The following NSMCE2 variants were observed in gnomAD, a reference collection of about 807,000 sequenced individuals.
NSMCE2 encodes the protein E3 SUMO-protein ligase NSE2.
A neutral mutation model predicts 23.8 loss-of-function variants in NSMCE2; 24 were observed. The ratio of observed to expected loss-of-function variants is 1.01; its 90% CI spans 0.73 to 1.42. The LOEUF is 1.42. Ranked by LOEUF, NSMCE2 falls within the 40% of genes most tolerant of loss-of-function variation. The pLI is 0.00. For missense variants in NSMCE2, 284 were observed against 296.5 expected (o/e 0.96, Z 0.31); for synonymous variants, 92 against 94.1 (o/e 0.98, Z 0.13).
intron 5 of NSMCE2, among the ~76,000 whole-genome samples, chr8:125,228,119 C>T (rs1825177653): frequency 6.6e-6 from 1 of 151,848 alleles, no homozygotes; most frequent in African/African-American, 2.4e-5. Context: ...ATCAAAATTG[C>T]CTAATTTTTA....
At chr8:125,139,112 G>T (rs1425530599) in intron 3 of NSMCE2, among the ~76,000 whole-genome samples, 1 of 152,176 alleles carries the variant, frequency 6.6e-6, no homozygotes, top group African/African-American at 2.4e-5. Context: ...ACTGTTCAGC[G>T]GTGGAACAAG....
intron 5 of NSMCE2, among the ~76,000 whole-genome samples, chr8:125,224,236 G>A (rs1257327509): frequency 2.0e-5 from 3 of 152,250 alleles, no homozygotes; most frequent in African/African-American, 7.2e-5. Context: ...TGTATGCTTC[G>A]CAAATTTCCT....
chr8:125,204,521 G>A (rs191745565), intron 5 of NSMCE2, among the ~76,000 whole-genome samples: 2 of 152,254 alleles, frequency 1.3e-5, no homozygotes, highest in South Asian at 4.1e-4. Context: ...TTATATGGAA[G>A]CATTAATTTT....
At chr8:125,320,248 G>T (rs1310286586) in intron 5 of NSMCE2, among the ~76,000 whole-genome samples, 3 of 54,292 alleles carry the variant, frequency 5.5e-5, no homozygotes, top group African/African-American at 1.7e-4. Flanking sequence ...AGGGAGGGAG[G>T]GAGGGAAGGA....
At chr8:125,256,482 T>C (rs969082314) in intron 5 of NSMCE2, among the ~76,000 whole-genome samples, 1 of 152,162 alleles carries the variant, frequency 6.6e-6, no homozygotes, top group African/African-American at 2.4e-5. Context: ...CTGGCATCCA[T>C]GTAGCGATGT....
chr8:125,301,477 G>T (rs1828559404), intron 5 of NSMCE2, among the ~76,000 whole-genome samples: 1 of 151,924 alleles, frequency 6.6e-6, no homozygotes, highest in Non-Finnish European at 1.5e-5. Context: ...GGTGGCGGTG[G>T]GGTGGTGGTG....
At chr8:125,359,242 G>A (rs1472074115) in intron 7 of NSMCE2, among the ~76,000 whole-genome samples, 1 of 149,456 alleles carries the variant, frequency 6.7e-6, no homozygotes, top group Non-Finnish European at 1.5e-5. Context: ...ACCCAGCCTG[G>A]GTCACAGAGT....
At chr8:125,257,430 C>G (rs764291462) in intron 5 of NSMCE2, among the ~76,000 whole-genome samples, 2 of 151,726 alleles carry the variant, frequency 1.3e-5, no homozygotes, top group Non-Finnish European at 2.9e-5. Flanking sequence ...GGGGTAATCT[C>G]CTGTGTCAAA....
intron 4 of NSMCE2, among the ~76,000 whole-genome samples, chr8:125,158,465 G>A (rs1821436722): frequency 6.6e-6 from 1 of 152,074 alleles, no homozygotes; most frequent in Non-Finnish European, 1.5e-5. Flanking sequence ...GCAGCAGAAT[G>A]GGCAGGAAAC....
At chr8:125,158,822 A>T (rs1821453431) in intron 4 of NSMCE2, among the ~76,000 whole-genome samples, 1 of 152,186 alleles carries the variant, frequency 6.6e-6, no homozygotes, top group Admixed American at 6.5e-5. Flanking sequence ...CAGAAGAGAG[A>T]TGGGGAAATA....
At chr8:125,278,362 C>G (rs528950444) in intron 5 of NSMCE2, among the ~76,000 whole-genome samples, 5 of 152,282 alleles carry the variant, frequency 3.3e-5, no homozygotes, top group Non-Finnish European at 7.3e-5. Context: ...GCTTGCCACG[C>G]TGTCTGGTTC....
At chr8:125,099,588 G>A (rs1031831243) in intron 1 of NSMCE2, among the ~76,000 whole-genome samples, 3 of 152,078 alleles carry the variant, frequency 2.0e-5, no homozygotes, top group African/African-American at 7.3e-5. Context: ...CATCAGGAAG[G>A]GAGTGATTAA....
chr8:125,221,294 G>A (rs1300727139), intron 5 of NSMCE2, among the ~76,000 whole-genome samples: 2 of 152,202 alleles, frequency 1.3e-5, no homozygotes, highest in Non-Finnish European at 2.9e-5. Context: ...CACCCATGCT[G>A]AAGTGCAGTG....
chr8:125,287,110 T>C (rs1489219881), intron 5 of NSMCE2, among the ~76,000 whole-genome samples: 1 of 152,146 alleles, frequency 6.6e-6, no homozygotes, highest in Admixed American at 6.5e-5. Context: ...GGGGGACAGA[T>C]CACTTGAGGT....
At chr8:125,234,232 T>G (rs1825448979) in intron 5 of NSMCE2, among the ~76,000 whole-genome samples, 1 of 152,126 alleles carries the variant, frequency 6.6e-6, no homozygotes, top group African/African-American at 2.4e-5. Context: ...TCCAGGTCCT[T>G]GACCAGGCTA....
intron 3 of NSMCE2, among the ~76,000 whole-genome samples, chr8:125,133,948 C>G (rs937680157): frequency 6.6e-6 from 1 of 152,116 alleles, no homozygotes; most frequent in Non-Finnish European, 1.5e-5. Flanking sequence ...GATTGCTGGG[C>G]TCCAACCCCC....
intron 5 of NSMCE2, among the ~76,000 whole-genome samples, chr8:125,217,182 C>G (rs1824625989): frequency 6.6e-6 from 1 of 152,124 alleles, no homozygotes; most frequent in African/African-American, 2.4e-5. Flanking sequence ...CCCTAGGAGG[C>G]ATGTGTTTTG....
At chr8:125,201,523 G>A (rs1301078259) in intron 5 of NSMCE2, among the ~76,000 whole-genome samples, 2 of 152,168 alleles carry the variant, frequency 1.3e-5, no homozygotes, top group East Asian at 3.9e-4. Flanking sequence ...CACAAATATT[G>A]CAGAACAGCA....
intron 1 of NSMCE2, among the ~76,000 whole-genome samples, chr8:125,098,287 T>A (rs1818031544): frequency 1.3e-5 from 2 of 152,150 alleles, no homozygotes; most frequent in Admixed American, 1.3e-4. Context: ...AAACGTAGAT[T>A]GTTGGGGCCT....
Sources: gnomAD v4.1 joint callset for allele counts (sites outside exome capture counted in the v4.1 genomes callset) on GRCh38, gnomAD v4.1.1 for gene constraint, MANE v1.5 for transcripts, NCBI Gene and HGNC (gene_info 2026-07-23, HGNC 2026-07-21) for gene names.